Variants in MICU2 observed in about 807,000 individuals in gnomAD.
The protein encoded by MICU2 is mitochondrial calcium uptake 2, also known as calcium uptake protein 2, mitochondrial.
A neutral mutation model predicts 60.4 loss-of-function variants in MICU2; 64 were observed. That is an observed-to-expected ratio of 1.06 (90% CI 0.87 to 1.31). The LOEUF is 1.31. Ranked by LOEUF, MICU2 falls within the 50% of genes most tolerant of loss-of-function variation. The pLI, the probability that MICU2 is intolerant of heterozygous loss-of-function variation, is 0.00. For synonymous variants in MICU2, 201 were observed against 175.0 expected (o/e 1.15, Z -1.17); for missense variants, 569 against 531.0 (o/e 1.07, Z -0.70).
At chr13:21,576,981 C>T (rs564977931) in intron 1 of MICU2, among the ~76,000 whole-genome samples, 37 of 152,144 alleles carry the variant, frequency 2.4e-4, no homozygotes, top group African/African-American at 8.9e-4. Flanking sequence ...AATGGAATAA[C>T]GAAGGTTTGA....
At chr13:21,561,983 T>C (rs188287596) in intron 2 of MICU2, among the ~76,000 whole-genome samples, 1 of 150,104 alleles carries the variant, frequency 6.7e-6, no homozygotes, top group African/African-American at 2.4e-5. Context: ...GTCCTTGCGA[T>C]AGTTTACTGA....
At chr13:21,537,778 C>T (rs778905767) in intron 4 of MICU2, among the ~76,000 whole-genome samples, 2 of 152,134 alleles carry the variant, frequency 1.3e-5, no homozygotes, top group Non-Finnish European at 2.9e-5. Flanking sequence ...CCGCACCTCA[C>T]CCTAAATCCT....
chr13:21,602,248 C>A (rs577686866), intron 1 of MICU2, among the ~76,000 whole-genome samples: 28 of 152,022 alleles, frequency 1.8e-4, no homozygotes, highest in Middle Eastern at 3.4e-3. Flanking sequence ...ATCGGCCGGG[C>A]GCAGTGGCTC....
At chr13:21,548,998 T>C (rs940661927) in intron 2 of MICU2, among the ~76,000 whole-genome samples, 6 of 147,268 alleles carry the variant, frequency 4.1e-5, no homozygotes, top group African/African-American at 7.5e-5. Flanking sequence ...ACAATCTTGG[T>C]TCACCGCAAG....
intron 6 of MICU2, among the ~76,000 whole-genome samples, chr13:21,517,669 C>T (rs1202568574): frequency 1.3e-5 from 2 of 152,056 alleles, no homozygotes; most frequent in Non-Finnish European, 2.9e-5. Context: ...CCCAGCTACT[C>T]GAGAGGCTGA....
intron 7 of MICU2, among the ~76,000 whole-genome samples, chr13:21,512,612 T>C (rs1475794549): frequency 1.3e-5 from 2 of 152,042 alleles, no homozygotes; most frequent in Non-Finnish European, 2.9e-5. Context: ...CAGGCCCAGC[T>C]AATTTTTTTT....
In MICU2 at chr13:21,493,107, T is replaced by G; in HGVS notation, c.*142A>C. Reference sequence around the variant, plus strand: ...TCTACTAAGTTCTTTAATAAAATTATGAATCAGAAAGCAAGTACAAGACAT... The same window carrying G: ...TCTACTAAGTTCTTTAATAAAATTAGGAATCAGAAAGCAAGTACAAGACAT... On this transcript the variant is annotated 3_prime_UTR_variant, in exon 12 of 12. Coordinates refer to ENST00000382374, the MANE Select transcript of MICU2 (RefSeq NM_152726.3). 1 of 466,332 alleles carries G rather than the reference T, an allele frequency of 2.1e-6. No individual in the cohort carries two copies. The highest frequency in any genetic ancestry group is 3.7e-6 in the Non-Finnish European group (1 of 271,290). 28.9% of individuals were successfully genotyped at this position (466,332 alleles called of 1,614,324 possible).
chr13:21,524,809 T>C (rs1886807304), intron 4 of MICU2, among the ~76,000 whole-genome samples: 1 of 152,170 alleles, frequency 6.6e-6, no homozygotes, highest in Non-Finnish European at 1.5e-5. Context: ...GCAACCTCTA[T>C]TCCGCTTTCT....
rs150373180 is a variant in MICU2, at chr13:21,557,250, C to T, written c.358+9547G>A. Among the ~76,000 whole-genome samples the T allele has an allele frequency of 1.7e-4, 26 of 151,826 alleles. 1 individual carries two copies. The East Asian group carries it at 3.9e-3, about 23-fold the overall frequency. ...AACTGGAGCAATTCCAGGTAATGGA[C>T]GTGGGAAGTGAATAAGAATGAAGGT... On this transcript the variant is annotated intron_variant, in intron 2 of 11. Coordinates refer to ENST00000382374, the MANE Select transcript of MICU2 (RefSeq NM_152726.3).
At chr13:21,548,921 G>GGTTTTTTTT in intron 2 of MICU2, among the ~76,000 whole-genome samples, 1 of 86,318 alleles carries the variant, frequency 1.2e-5, no homozygotes, top group African/African-American at 4.3e-5. Flanking sequence ...AAGTTTGAGA[G>GGTTTTTTTT]TTTTTTTTTT....
chr13:21,536,941 C>T (rs1042112725), intron 4 of MICU2, among the ~76,000 whole-genome samples: 1 of 152,162 alleles, frequency 6.6e-6, no homozygotes. Flanking sequence ...CCTGAAATCA[C>T]CTGCAAGTGC....
At chr13:21,588,006 T>G (rs989785709) in intron 1 of MICU2, among the ~76,000 whole-genome samples, 1 of 152,102 alleles carries the variant, frequency 6.6e-6, no homozygotes, top group African/African-American at 2.4e-5. Context: ...ATTAAGTAAA[T>G]AATATCAAAT....
At chr13:21,600,850 G>T (rs927972381) in intron 1 of MICU2, among the ~76,000 whole-genome samples, 10 of 152,266 alleles carry the variant, frequency 6.6e-5, no homozygotes, top group African/African-American at 2.4e-4. Context: ...AGGCTGGACT[G>T]CAGTGGCAGG....
At position 21,530,808 on chromosome 13, in the gene MICU2, A is replaced by C. The variant is rs530813022; in HGVS notation, c.467-8158T>G. 2.7e-4 allele frequency: 195 copies of C among 711,820 alleles called. 1 individual carries two copies. The East Asian group carries it at 5.9e-3, about 21-fold the overall frequency. The allele number at this position is 711,820 out of a possible 1,614,324, so 44.1% of individuals were successfully genotyped here. A position where few individuals can be genotyped will look rare whatever the true frequency, so the allele number is the denominator to read the frequency against. On this transcript the variant is annotated intron_variant, in intron 4 of 11. Coordinates refer to ENST00000382374, the MANE Select transcript of MICU2 (RefSeq NM_152726.3). ...CAGCACCAGGAAGAGATGGCGGCCG[A>C]GGCCAGGCAAGCCGTGGTGCCCCCA...
At position 21,571,988 on chromosome 13, in the gene MICU2, C is replaced by A. The variant is rs916473721; in HGVS notation, c.211-5044G>T. Among the ~76,000 whole-genome samples, 10 of 152,130 alleles carry A rather than the reference C, an allele frequency of 6.6e-5. No individual in the cohort carries two copies. In the East Asian group the frequency reaches 1.9e-3, roughly 29 times the overall value. On this transcript the variant is annotated intron_variant, in intron 1 of 11. Transcript: ENST00000382374. ...CCACCAAATATGTAAGACACTGGAG[C>A]CTATATGGAAATTTGGAATTGGATA...
chr13:21,604,129 C>G lies in MICU2; in HGVS notation c.20G>C (p.Ser7Thr), dbSNP rs1275934350. The G allele has an allele frequency of 3.2e-6, 5 of 1,566,294 alleles. No individual in the cohort carries two copies. The highest frequency in any genetic ancestry group is 4.3e-6 in the Non-Finnish European group (5 of 1,158,510). ...GCCCCAGGCCGCCACCCGCGCGCAG[C>G]TACCCGCAGCCGCCGCCATCTTTGC... MAAAAG[S>T]CARVAAWGGK... The change falls in exon 1 of 12, where the codon AGC becomes ACC. Residue 7 changes from serine (S) to threonine (T), a missense_variant. Physicochemically the swap from Ser to Thr is moderately conservative, Grantham distance 58 (BLOSUM62 1). Coordinates refer to ENST00000382374, the MANE Select transcript of MICU2 (RefSeq NM_152726.3).
At chr13:21,498,111 T>C (rs541297472) in intron 9 of MICU2, among the ~76,000 whole-genome samples, 2 of 152,206 alleles carry the variant, frequency 1.3e-5, no homozygotes, top group Non-Finnish European at 2.9e-5. Flanking sequence ...AGTTTCTCTT[T>C]GTAGGATGCT....
At position 21,498,283 on chromosome 13, in the gene MICU2, G is replaced by A. The variant is rs118157402; in HGVS notation, c.934-2123C>T. Among the ~76,000 whole-genome samples the A allele has an allele frequency of 6.5e-3, 983 of 150,262 alleles. 4 individuals carry two copies. Among genetic ancestry groups the A allele is most frequent in the Non-Finnish European group, 0.01 (681 of 67,784 alleles). ...TCAAACAACATGAAGGATAAATGAT[G>A]AAGAGTTCTTCCACTCTGATTCCCA... On this transcript the variant is annotated intron_variant, in intron 9 of 11. Transcript: ENST00000382374.
At chr13:21,560,374 C>T (rs780937808) in intron 2 of MICU2, among the ~76,000 whole-genome samples, 1 of 152,106 alleles carries the variant, frequency 6.6e-6, no homozygotes, top group African/African-American at 2.4e-5. Flanking sequence ...CCCTCTTTTT[C>T]CACTGATTTA....
Sources: allele counts gnomAD v4.1 joint callset (sites outside exome capture counted in the v4.1 genomes callset), GRCh38; gene constraint gnomAD v4.1.1; transcripts MANE v1.5; gene names NCBI Gene and HGNC (gene_info 2026-07-23, HGNC 2026-07-21).